Variants in KIF26B observed in about 807,000 individuals in gnomAD.
KIF26B encodes the protein kinesin-like protein KIF26B.
A neutral mutation model predicts 151.2 loss-of-function variants in KIF26B; 63 were observed. The ratio of observed to expected loss-of-function variants is 0.42; its 90% CI spans 0.34 to 0.51. KIF26B has a LOEUF of 0.51. Among genes scored for constraint, KIF26B ranks in the 20% least tolerant of loss-of-function variants. KIF26B has a pLI of 0.07. For synonymous variants in KIF26B, 1,357 were observed against 1,262.1 expected (o/e 1.08, Z -1.59); for missense variants, 2,813 against 2,913.6 (o/e 0.97, Z 0.79).
intron 2 of KIF26B, among the ~76,000 whole-genome samples, chr1:245,290,245 C>T (rs571296832): frequency 3.9e-5 from 6 of 152,304 alleles, no homozygotes; most frequent in South Asian, 2.1e-4. Context: ...ATACCTTACT[C>T]ATGTCTGCAT....
intron 2 of KIF26B, among the ~76,000 whole-genome samples, chr1:245,206,209 A>G (rs1159757644): frequency 2.6e-5 from 4 of 152,208 alleles, no homozygotes; most frequent in African/African-American, 9.6e-5. Context: ...GTAAAGGCTT[A>G]AAGCATAACT....
At chr1:245,605,087 C>T (rs948707509) in intron 6 of KIF26B, among the ~76,000 whole-genome samples, 1 of 152,186 alleles carries the variant, frequency 6.6e-6, no homozygotes, top group African/African-American at 2.4e-5. Context: ...AGTGTGGCCT[C>T]AGGCGAGTCA....
intron 4 of KIF26B, among the ~76,000 whole-genome samples, chr1:245,482,439 A>G (rs1660188674): frequency 6.6e-6 from 1 of 151,950 alleles, no homozygotes; most frequent in East Asian, 1.9e-4. Context: ...TTTATAATCA[A>G]CATTAGAACT....
chr1:245,551,072 G>A (rs796726322), intron 5 of KIF26B, among the ~76,000 whole-genome samples: 29 of 152,236 alleles, frequency 1.9e-4, no homozygotes, highest in African/African-American at 6.5e-4. Flanking sequence ...TTTAGACAGC[G>A]TCTTCCTTCG....
chr1:245,592,284 C>A (rs1016751416), intron 5 of KIF26B, among the ~76,000 whole-genome samples: 2 of 152,194 alleles, frequency 1.3e-5, no homozygotes, highest in African/African-American at 4.8e-5. Context: ...GGCGCAGGCC[C>A]CACTGCCCGC....
chr1:245,419,503 A>G, intron 3 of KIF26B, 76 bp from the exon 4 acceptor site: 1 of 1,416,758 alleles, frequency 7.1e-7, no homozygotes, highest in Non-Finnish European at 9.6e-7. Flanking sequence ...CCTCCCCCAA[A>G]TAGAGAGATG....
intron 2 of KIF26B, among the ~76,000 whole-genome samples, chr1:245,186,589 C>T (rs1310650863): frequency 2.0e-5 from 3 of 152,142 alleles, no homozygotes; most frequent in African/African-American, 7.2e-5. Flanking sequence ...GTCAGTAGTC[C>T]AAACACCTGG....
intron 2 of KIF26B, among the ~76,000 whole-genome samples, chr1:245,220,436 A>G (rs78653944): frequency 1.4e-5 from 1 of 72,242 alleles, no homozygotes; most frequent in Non-Finnish European, 3.2e-5. Context: ...TCCAGGGTCC[A>G]GGGTCCGGGG....
intron 2 of KIF26B, among the ~76,000 whole-genome samples, chr1:245,214,951 A>G (rs1669615289): frequency 1.3e-5 from 2 of 152,210 alleles, no homozygotes; most frequent in Non-Finnish European, 2.9e-5. Flanking sequence ...AGAGGGAGGC[A>G]TCTTGGGAGA....
chr1:245,588,520 G>A (rs1186723016), intron 5 of KIF26B, among the ~76,000 whole-genome samples: 3 of 152,204 alleles, frequency 2.0e-5, no homozygotes, highest in African/African-American at 2.4e-5. Flanking sequence ...TTATCAACCC[G>A]TCCTTCACTT....
chr1:245,344,512 AAAAAAAAAAGG>A (rs2102997429), intron 2 of KIF26B, among the ~76,000 whole-genome samples: 1 of 151,602 alleles, frequency 6.6e-6, no homozygotes, highest in East Asian at 2.0e-4. Flanking sequence ...AAAAAAAAAA[AAAAAAAAAAGG>A]AAATGTATCC....
At chr1:245,201,302 T>A (rs1339532082) in intron 2 of KIF26B, among the ~76,000 whole-genome samples, 1 of 152,266 alleles carries the variant, frequency 6.6e-6, no homozygotes. Context: ...GATGATATTA[T>A]GCTTGAAATA....
intron 2 of KIF26B, among the ~76,000 whole-genome samples, chr1:245,195,539 G>A (rs145721588): frequency 3.3e-5 from 5 of 152,272 alleles, no homozygotes; most frequent in African/African-American, 1.2e-4. Context: ...TGACGGGGAG[G>A]GGCATCTTCC....
At chr1:245,470,631 C>T (rs553515038) in intron 4 of KIF26B, among the ~76,000 whole-genome samples, 72 of 152,084 alleles carry the variant, frequency 4.7e-4, no homozygotes, top group African/African-American at 1.7e-3. Context: ...AGGGTTTCAC[C>T]GAGTTAGCCA....
Position 245,686,247 on chromosome 1 carries a change from A to G in KIF26B, c.3264A>G (p.Arg1088=), listed in dbSNP as rs367678827. 22 of 1,612,612 alleles carry G rather than the reference A, an allele frequency of 1.4e-5. No individual in the cohort carries two copies. Among genetic ancestry groups the G allele is most frequent in the Non-Finnish European group, 1.9e-5 (22 of 1,179,870 alleles). Reference sequence around the variant, plus strand: ...AGCCACCCAGCTCTCCTTCCCAGAGATGCAAAGTCTACACCCAGAAGGGGG... The same window carrying G: ...AGCCACCCAGCTCTCCTTCCCAGAGGTGCAAAGTCTACACCCAGAAGGGGG... ...EYKPPSSPSQ[R]CKVYTQKGVL... is the part of the protein sequence containing the mutation. Residue 1088 remains arginine (R), a synonymous_variant, in exon 12 of 15, where the codon AGA becomes AGG. Coordinates refer to ENST00000407071, the MANE Select transcript of KIF26B (RefSeq NM_018012.4). The surrounding 1 kb of genome is among the most constrained non-coding windows in gnomAD (Gnocchi z 5.6).
Position 245,279,743 on chromosome 1 carries a change from CT to C in KIF26B, c.466-87079del, listed in dbSNP as rs796421302. Among the ~76,000 whole-genome samples, 525 of 144,494 alleles carry C rather than the reference CT, an allele frequency of 3.6e-3. 1 individual carries two copies. The highest frequency in any genetic ancestry group is 6.1e-3 in the African/African-American group (244 of 39,728). The allele number at this position is 144,494 out of a possible 152,430, so 94.8% of individuals were successfully genotyped here. A position where few individuals can be genotyped will look rare whatever the true frequency, so the allele number is the denominator to read the frequency against. ...TCTCATTTCTCCCCAAGTAATCACT[CT>C]TTTTTTTTTTTAGCTTGTGCTAAAT... On this transcript the variant is annotated intron_variant, in intron 2 of 14. Transcript: ENST00000407071.
At chr1:245,213,580 G>A (rs1669585376) in intron 2 of KIF26B, among the ~76,000 whole-genome samples, 1 of 152,218 alleles carries the variant, frequency 6.6e-6, no homozygotes, top group South Asian at 2.1e-4. Context: ...CGTGGGGCAG[G>A]AAGGCAGGGC....
intron 4 of KIF26B, among the ~76,000 whole-genome samples, chr1:245,471,698 TAATC>T (rs963357158): frequency 7.9e-5 from 12 of 152,338 alleles, no homozygotes; most frequent in South Asian, 4.1e-4. Flanking sequence ...ATATACATAT[TAATC>T]AATTCATTCA....
At chr1:245,593,485 T>C (rs1352731975) in intron 5 of KIF26B, among the ~76,000 whole-genome samples, 1 of 152,232 alleles carries the variant, frequency 6.6e-6, no homozygotes, top group Non-Finnish European at 1.5e-5. Context: ...TCCATGTCCC[T>C]GCAAAGGACA....
Sources: gnomAD v4.1 joint callset for allele counts (sites outside exome capture counted in the v4.1 genomes callset) on GRCh38, gnomAD v4.1.1 for gene constraint, Gnocchi (gnomAD v3.1) non-coding constraint, MANE v1.5 for transcripts, NCBI Gene and HGNC (gene_info 2026-07-23, HGNC 2026-07-21) for gene names.